ERICH1: variants seen among roughly 807,000 people sequenced by gnomAD.
The protein encoded by ERICH1 is glutamate-rich protein 1.
In ERICH1, 56 loss-of-function variants were observed where a neutral mutation model predicts 39.6. The ratio of observed to expected loss-of-function variants is 1.41; its 90% CI spans 1.14 to 1.77. ERICH1 has a LOEUF of 1.77. Among genes scored for constraint, ERICH1 ranks in the 40% most tolerant of loss-of-function variants. The pLI is 0.00. For missense variants in ERICH1, 826 were observed against 575.4 expected, an observed-to-expected ratio of 1.44 and a Z score of -4.45; for synonymous variants, 313 against 223.6, an observed-to-expected ratio of 1.40 and a Z score of -3.57.
intron 3 of ERICH1, among the ~76,000 whole-genome samples, chr8:638,533 C>T (rs1411785777): frequency 7.9e-5 from 12 of 152,258 alleles, no homozygotes; most frequent in East Asian, 5.8e-4. Context: ...CAGAACAAGG[C>T]CACGGAGGTG....
chr8:721,941 CA>C (rs1817421685), intron 1 of ERICH1, among the ~76,000 whole-genome samples: 1 of 152,120 alleles, frequency 6.6e-6, no homozygotes, highest in South Asian at 2.1e-4. Context: ...GTTTAATTCA[CA>C]ATGTGTTGAA....
chr8:721,397 G>A (rs902608810), intron 1 of ERICH1, among the ~76,000 whole-genome samples: 1 of 152,202 alleles, frequency 6.6e-6, no homozygotes, highest in Non-Finnish European at 1.5e-5. Context: ...CCCAGCCCCA[G>A]AGATGAGAGC....
intron 2 of ERICH1, among the ~76,000 whole-genome samples, chr8:693,144 C>G (rs1345772951): frequency 6.6e-6 from 1 of 151,878 alleles, no homozygotes; most frequent in African/African-American, 2.4e-5. Flanking sequence ...CAGATACAAA[C>G]AGACACAGAG....
At chr8:657,479 G>A (rs1052725771) in intron 3 of ERICH1, among the ~76,000 whole-genome samples, 3 of 151,980 alleles carry the variant, frequency 2.0e-5, no homozygotes, top group African/African-American at 7.3e-5. Flanking sequence ...TTTGGGGCTG[G>A]ATTTAGGCAG....
intron 5 of ERICH1, 26 bp downstream of exon 5, chr8:668,572 C>T: frequency 6.2e-7 from 1 of 1,613,720 alleles, no homozygotes; most frequent in Non-Finnish European, 8.5e-7. Context: ...TTAAGCAGGA[C>T]CTTGAATAAA....
intron 2 of ERICH1, among the ~76,000 whole-genome samples, chr8:711,284 T>C (rs1159997592): frequency 6.6e-6 from 1 of 152,220 alleles, no homozygotes; most frequent in East Asian, 1.9e-4. Context: ...GCCTGTCTCT[T>C]CATTCTCTTG....
intron 1 of ERICH1, among the ~76,000 whole-genome samples, chr8:728,225 A>G (rs1395626575): frequency 6.6e-6 from 1 of 152,232 alleles, no homozygotes; most frequent in Non-Finnish European, 1.5e-5. Flanking sequence ...CCAGCCCAAC[A>G]GCAAGACTCC....
chr8:701,310 T>C (rs1329297254), intron 2 of ERICH1, among the ~76,000 whole-genome samples: 165 of 90,390 alleles, frequency 1.8e-3, no homozygotes, highest in Admixed American at 3.0e-3. Flanking sequence ...ACGCCATACC[T>C]ACGGGTCTGC....
chr8:657,161 T>C (rs4735900), intron 3 of ERICH1, among the ~76,000 whole-genome samples: 77,803 of 152,036 alleles, frequency 0.51, 19,973 homozygotes, highest in East Asian at 0.54. Context: ...ACTGCAAGAG[T>C]TGAAGAAGAA....
chr8:699,615 C>G (rs1274036351), intron 2 of ERICH1, among the ~76,000 whole-genome samples: 1 of 152,196 alleles, frequency 6.6e-6, no homozygotes, highest in East Asian at 1.9e-4. Flanking sequence ...TTTAAACAAG[C>G]TCCAGCATCC....
intron 4 of ERICH1, 69 bp downstream of exon 4, chr8:673,220 A>G: frequency 6.8e-7 from 1 of 1,480,668 alleles, no homozygotes. Flanking sequence ...TTTAAGCATT[A>G]TATTTGTTTC....
intron 2 of ERICH1, among the ~76,000 whole-genome samples, chr8:704,371 G>A (rs991644090): frequency 1.3e-5 from 2 of 152,284 alleles, no homozygotes; most frequent in Middle Eastern, 3.4e-3. Flanking sequence ...TCTGGAAGAG[G>A]CCACGGAAGA....
chr8:718,290 G>T (rs943350667), intron 1 of ERICH1, among the ~76,000 whole-genome samples: 20 of 152,310 alleles, frequency 1.3e-4, no homozygotes, highest in African/African-American at 4.8e-4. Flanking sequence ...GGAGCGCACT[G>T]AGTCTGGCCC....
intron 3 of ERICH1, among the ~76,000 whole-genome samples, chr8:676,952 G>C (rs1445485169): frequency 2.0e-5 from 3 of 152,306 alleles, no homozygotes; most frequent in African/African-American, 4.8e-5. Context: ...TTCCACTCAA[G>C]CGCTTTCCCT....
intron 3 of ERICH1, among the ~76,000 whole-genome samples, chr8:685,409 C>A (rs1807100876): frequency 6.6e-6 from 1 of 152,168 alleles, no homozygotes; most frequent in East Asian, 1.9e-4. Flanking sequence ...GCTTTACGAA[C>A]AATTTGTGCA....
intron 3 of ERICH1, among the ~76,000 whole-genome samples, chr8:628,594 G>C (rs1797732363): frequency 6.6e-6 from 1 of 152,194 alleles, no homozygotes; most frequent in Non-Finnish European, 1.5e-5. Flanking sequence ...GGAACTCCTG[G>C]GGTGATCAAA....
At chr8:623,593 C>A (rs903795033) in intron 3 of ERICH1, among the ~76,000 whole-genome samples, 1 of 149,086 alleles carries the variant, frequency 6.7e-6, no homozygotes, top group Non-Finnish European at 1.5e-5. Flanking sequence ...AAATAATTAC[C>A]ACAATAAAGC....
Position 721,370 on chromosome 8 carries a change from G to A in ERICH1, c.23-5363C>T, listed in dbSNP as rs1057002597. Among the ~76,000 whole-genome samples the A allele has an allele frequency of 3.3e-5, 5 of 152,274 alleles. No individual in the cohort carries two copies. The South Asian group carries it at 1.0e-3, about 32-fold the overall frequency. On this transcript the variant is annotated intron_variant, in intron 1 of 5. Coordinates refer to ENST00000262109, the MANE Select transcript of ERICH1 (RefSeq NM_207332.3). ...AGCTAATATTGCTGGCAGATTCACA[G>A]ACGAGCTTCACTTCCTCCCAGCCCC... is the stretch of plus-strand genomic sequence containing the variant.
intron 2 of ERICH1, among the ~76,000 whole-genome samples, chr8:697,495 C>G (rs994925910): frequency 6.6e-5 from 10 of 152,176 alleles, no homozygotes; most frequent in African/African-American, 2.2e-4. Context: ...GGCTCAGACT[C>G]CCAGTGACAG....
Sources: allele counts gnomAD v4.1 joint callset (sites outside exome capture counted in the v4.1 genomes callset), GRCh38; gene constraint gnomAD v4.1.1; transcripts MANE v1.5; gene names NCBI Gene and HGNC (gene_info 2026-07-23, HGNC 2026-07-21).